GPC5: variants seen among roughly 807,000 people sequenced by gnomAD.
The protein encoded by GPC5 is glypican-5.
GPC5 carries 47 observed loss-of-function variants against 53.9 expected under a neutral mutation model. That is an observed-to-expected ratio of 0.87 (90% CI 0.69 to 1.11). GPC5 has a LOEUF of 1.11. Among genes scored for constraint, GPC5 ranks in the 50% most tolerant of loss-of-function variants. The probability of loss-of-function intolerance (pLI) is 0.00; values close to 1 mark genes in which losing one functional copy is unlikely to be tolerated. For synonymous variants in GPC5, 286 were observed against 263.3 expected (o/e 1.09, Z -0.84); for missense variants, 748 against 713.1 (o/e 1.05, Z -0.56).
chr13:92,408,007 C>T (rs1875868449), intron 7 of GPC5, among the ~76,000 whole-genome samples: 1 of 152,194 alleles, frequency 6.6e-6, no homozygotes. Context: ...CCATGGCCGC[C>T]AAGTGGAACT....
intron 7 of GPC5, among the ~76,000 whole-genome samples, chr13:92,776,160 A>G (rs758982345): frequency 2.0e-5 from 3 of 152,102 alleles, no homozygotes; most frequent in Non-Finnish European, 2.9e-5. Flanking sequence ...CACTTCCTTG[A>G]CTTTTCCAGT....
intron 7 of GPC5, among the ~76,000 whole-genome samples, chr13:92,203,188 G>A (rs957048642): frequency 1.1e-4 from 17 of 151,706 alleles, no homozygotes; most frequent in East Asian, 1.9e-4. Context: ...ACATGCACAC[G>A]TATGTTTATT....
chr13:92,834,587 T>C (rs1878161723), intron 7 of GPC5, among the ~76,000 whole-genome samples: 1 of 152,190 alleles, frequency 6.6e-6, no homozygotes, highest in South Asian at 2.1e-4. Context: ...ATAGATTGCT[T>C]CACAGGTTGA....
At chr13:91,818,298 C>A (rs1276482647) in intron 5 of GPC5, among the ~76,000 whole-genome samples, 1 of 152,170 alleles carries the variant, frequency 6.6e-6, no homozygotes, top group Non-Finnish European at 1.5e-5. Context: ...AGGCTATATC[C>A]ACTTTCACCA....
intron 2 of GPC5, among the ~76,000 whole-genome samples, chr13:91,672,500 A>T (rs1017812671): frequency 2.0e-5 from 3 of 152,206 alleles, no homozygotes; most frequent in Admixed American, 6.5e-5. Flanking sequence ...AACATTACTG[A>T]TCATCAGAGA....
chr13:92,866,244 G>A (rs771526459), intron 7 of GPC5, 38 bp from the exon 8 acceptor site: 1 of 1,575,114 alleles, frequency 6.3e-7, no homozygotes, highest in Non-Finnish European at 8.7e-7. Context: ...TGGTGAAGTG[G>A]TCATGCATCA....
chr13:91,648,727 C>T (rs1474355440), intron 2 of GPC5, among the ~76,000 whole-genome samples: 1 of 152,156 alleles, frequency 6.6e-6, no homozygotes, highest in Non-Finnish European at 1.5e-5. Flanking sequence ...CACGTACACT[C>T]AGATATATTA....
intron 2 of GPC5, among the ~76,000 whole-genome samples, chr13:91,458,631 G>C (rs932677374): frequency 6.6e-6 from 1 of 152,080 alleles, no homozygotes; most frequent in Admixed American, 6.6e-5. Flanking sequence ...GGTGAAAAGG[G>C]GGCACTTTTA....
intron 7 of GPC5, among the ~76,000 whole-genome samples, chr13:92,821,277 G>A (rs987270494): frequency 8.5e-5 from 13 of 152,116 alleles, no homozygotes; most frequent in Admixed American, 2.6e-4. Context: ...AGATTTCTAG[G>A]ACTTCAGGCA....
intron 7 of GPC5, among the ~76,000 whole-genome samples, chr13:92,434,864 A>G (rs1166032863): frequency 5.9e-5 from 9 of 152,210 alleles, no homozygotes; most frequent in Non-Finnish European, 1.2e-4. Flanking sequence ...TATTCACTAT[A>G]TAACAGATAC....
intron 3 of GPC5, among the ~76,000 whole-genome samples, chr13:91,712,075 A>G (rs2036237651): frequency 6.6e-6 from 1 of 152,208 alleles, no homozygotes; most frequent in Non-Finnish European, 1.5e-5. Context: ...AGGACTAAAC[A>G]TTATCTTGAC....
chr13:91,498,365 C>G (rs1021773492), intron 2 of GPC5, among the ~76,000 whole-genome samples: 3 of 151,220 alleles, frequency 2.0e-5, no homozygotes, highest in Non-Finnish European at 2.9e-5. Flanking sequence ...TTTTGTTGAC[C>G]GACTGAGTGA....
intron 7 of GPC5, among the ~76,000 whole-genome samples, chr13:92,583,783 C>T (rs1030409236): frequency 6.6e-6 from 1 of 152,120 alleles, no homozygotes; most frequent in Non-Finnish European, 1.5e-5. Flanking sequence ...CTTGAATTCC[C>T]AAGTGTTGTG....
At chr13:91,431,486 C>T (rs1879445729) in intron 1 of GPC5, among the ~76,000 whole-genome samples, 2 of 152,148 alleles carry the variant, frequency 1.3e-5, no homozygotes, top group South Asian at 4.1e-4. Flanking sequence ...GATGGTTTTC[C>T]TTCCATTTCT....
At chr13:92,858,933 C>A (rs1421308092) in intron 7 of GPC5, among the ~76,000 whole-genome samples, 1 of 152,062 alleles carries the variant, frequency 6.6e-6, no homozygotes, top group Non-Finnish European at 1.5e-5. Context: ...TAATTACTTT[C>A]TTTCATGTTT....
chr13:91,499,840 A>G (rs694475), intron 2 of GPC5, among the ~76,000 whole-genome samples: 150,607 of 152,334 alleles, frequency 0.99, 74,483 homozygotes, highest in East Asian at 1. Context: ...ACTTCCTAAA[A>G]CATCATCCTG....
chr13:91,526,005 TA>T (rs1886070452), intron 2 of GPC5, among the ~76,000 whole-genome samples: 1 of 152,072 alleles, frequency 6.6e-6, no homozygotes, highest in African/African-American at 2.4e-5. Context: ...GGGGAGTAAG[TA>T]GTTGAGAATT....
chr13:91,964,304 T>G (rs1006186340), intron 6 of GPC5, among the ~76,000 whole-genome samples: 1 of 152,166 alleles, frequency 6.6e-6, no homozygotes, highest in African/African-American at 2.4e-5. Flanking sequence ...AGCAGGTTGC[T>G]GGTGTGGGCT....
intron 5 of GPC5, among the ~76,000 whole-genome samples, chr13:91,782,988 A>AT (rs1189087076): frequency 1.3e-4 from 20 of 151,874 alleles, no homozygotes; most frequent in Non-Finnish European, 7.4e-5. Flanking sequence ...TGTGGCATTG[A>AT]TTTTGAAAAA....
Sources: allele counts gnomAD v4.1 joint callset (sites outside exome capture counted in the v4.1 genomes callset), GRCh38; gene constraint gnomAD v4.1.1; transcripts MANE v1.5; gene names NCBI Gene and HGNC (gene_info 2026-07-23, HGNC 2026-07-21).